TAFA1: variants seen among roughly 807,000 people sequenced by gnomAD.
TAFA1 encodes the protein chemokine-like protein TAFA-1.
A neutral mutation model predicts 18.5 loss-of-function variants in TAFA1; 4 were observed. The ratio of observed to expected loss-of-function variants is 0.22; its 90% CI spans 0.11 to 0.49. The LOEUF is 0.49. TAFA1 is among the 20% of genes least tolerant of loss of function. TAFA1 has a pLI of 0.98. For missense variants in TAFA1, 147 were observed against 169.0 expected (o/e 0.87, Z 0.72); for synonymous variants, 56 against 55.2 (o/e 1.01, Z -0.06).
At chr3:68,408,323 C>T (rs2070651103) in intron 2 of TAFA1, among the ~76,000 whole-genome samples, 1 of 152,128 alleles carries the variant, frequency 6.6e-6, no homozygotes, top group African/African-American at 2.4e-5. Context: ...CTTTTAATTG[C>T]TATTTCATTT....
At chr3:68,306,354 C>T (rs562675287) in intron 2 of TAFA1, among the ~76,000 whole-genome samples, 41 of 152,148 alleles carry the variant, frequency 2.7e-4, no homozygotes, top group South Asian at 4.2e-4. Context: ...TGGGTTTGAC[C>T]TTGCAAAAAT....
chr3:68,118,054 TTTCAGGATGA>T (rs945638330), intron 2 of TAFA1, among the ~76,000 whole-genome samples: 1 of 152,060 alleles, frequency 6.6e-6, no homozygotes, highest in African/African-American at 2.4e-5. Flanking sequence ...GGTGGGATGG[TTTCAGGATGA>T]TTCAAGCGCA....
At position 68,368,595 on chromosome 3, in the gene TAFA1, G is replaced by A. The variant is rs568003438; in HGVS notation, c.119-48685G>A. 1.1e-4 allele frequency among the ~76,000 whole-genome samples: 17 copies of A among 148,656 alleles called. No individual in the cohort carries two copies. The East Asian group carries it at 2.0e-3, about 17-fold the overall frequency. On this transcript the variant is annotated intron_variant, in intron 2 of 4. Coordinates refer to ENST00000478136, the MANE Select transcript of TAFA1 (RefSeq NM_213609.4). ...TCTTGAGATTTTTTTTTTTTTTACC[G>A]TTGTCTTTAATAGAAAAAGAAAACC... is the stretch of plus-strand genomic sequence containing the variant.
intron 3 of TAFA1, among the ~76,000 whole-genome samples, chr3:68,422,354 TTC>T (rs1329071909): frequency 2.0e-5 from 3 of 152,138 alleles, no homozygotes; most frequent in African/African-American, 7.2e-5. Flanking sequence ...AGGCATCAAC[TTC>T]TCTGCGTGAC....
At chr3:68,358,447 C>A (rs933896151) in intron 2 of TAFA1, among the ~76,000 whole-genome samples, 1 of 151,850 alleles carries the variant, frequency 6.6e-6, no homozygotes, top group Admixed American at 6.6e-5. Context: ...ATCTAACAGG[C>A]AGGGAAACTG....
intron 2 of TAFA1, among the ~76,000 whole-genome samples, chr3:68,390,418 G>C (rs1329736665): frequency 6.6e-6 from 1 of 152,236 alleles, no homozygotes; most frequent in Admixed American, 6.5e-5. Flanking sequence ...AGGGGCAGCT[G>C]TGGGGACAGC....
chr3:68,155,087 A>G (rs1486198199), intron 2 of TAFA1, among the ~76,000 whole-genome samples: 1 of 152,216 alleles, frequency 6.6e-6, no homozygotes, highest in Non-Finnish European at 1.5e-5. Flanking sequence ...CTATGAGTTA[A>G]GTAACATTTC....
At chr3:68,314,298 A>T (rs2068570997) in intron 2 of TAFA1, among the ~76,000 whole-genome samples, 1 of 152,204 alleles carries the variant, frequency 6.6e-6, no homozygotes, top group African/African-American at 2.4e-5. Flanking sequence ...TCCTGTCCAT[A>T]GAGTTAATTG....
intron 3 of TAFA1, among the ~76,000 whole-genome samples, chr3:68,446,391 G>A (rs527699058): frequency 9.2e-5 from 14 of 152,092 alleles, no homozygotes; most frequent in Non-Finnish European, 1.8e-4. Context: ...ATAAAGAATA[G>A]GGAGGTGAGT....
intron 3 of TAFA1, among the ~76,000 whole-genome samples, chr3:68,426,068 T>G (rs1448705206): frequency 6.6e-6 from 1 of 151,792 alleles, no homozygotes; most frequent in Non-Finnish European, 1.5e-5. Flanking sequence ...AAATTAATTT[T>G]GTAGAAAAAA....
At chr3:68,386,909 ACT>A (rs2070116941) in intron 2 of TAFA1, among the ~76,000 whole-genome samples, 1 of 151,866 alleles carries the variant, frequency 6.6e-6, no homozygotes, top group African/African-American at 2.4e-5. Context: ...AATTTGCAAG[ACT>A]CTTTAGTTTA....
chr3:68,424,808 A>T (rs2071021845), intron 3 of TAFA1, among the ~76,000 whole-genome samples: 3 of 152,032 alleles, frequency 2.0e-5, no homozygotes, highest in African/African-American at 7.2e-5. Flanking sequence ...TAGCTTATTA[A>T]ACTTGAACAC....
At chr3:68,506,474 C>CAT (rs1427600298) in intron 3 of TAFA1, among the ~76,000 whole-genome samples, 1 of 139,238 alleles carries the variant, frequency 7.2e-6, no homozygotes, top group Non-Finnish European at 1.6e-5. Flanking sequence ...CACACAGAGA[C>CAT]ACACACACAC....
chr3:68,348,570 G>A (rs1051533702), intron 2 of TAFA1, among the ~76,000 whole-genome samples: 1 of 152,146 alleles, frequency 6.6e-6, no homozygotes, highest in Non-Finnish European at 1.5e-5. Context: ...AGATGTTAGA[G>A]GAGGGAACAT....
intron 2 of TAFA1, among the ~76,000 whole-genome samples, chr3:68,273,737 T>C (rs1483208995): frequency 1.3e-5 from 2 of 152,054 alleles, no homozygotes; most frequent in Non-Finnish European, 2.9e-5. Context: ...AAATCCAGGG[T>C]AGAGACAACG....
chr3:68,303,898 T>C (rs139794790), intron 2 of TAFA1, among the ~76,000 whole-genome samples: 1 of 152,272 alleles, frequency 6.6e-6, no homozygotes, highest in East Asian at 1.9e-4. Flanking sequence ...AATAAAAGCT[T>C]TTTATTTACT....
chr3:68,229,375 TAAAACAGAAAAAATACCTGC>T (rs1266650124), intron 2 of TAFA1, among the ~76,000 whole-genome samples: 1 of 152,216 alleles, frequency 6.6e-6, no homozygotes, highest in Non-Finnish European at 1.5e-5. Context: ...TATCTTATTC[TAAAACAGAAAAAATACCTGC>T]TGCTTTACTG....
intron 3 of TAFA1, among the ~76,000 whole-genome samples, chr3:68,471,232 G>A (rs2071991229): frequency 6.6e-6 from 1 of 152,178 alleles, no homozygotes; most frequent in Non-Finnish European, 1.5e-5. Flanking sequence ...TTGCTGCAGG[G>A]GCAGGGCCCT....
chr3:68,417,459 C>G (rs1253625591), intron 3 of TAFA1, 39 bp downstream of exon 3: 1 of 1,596,398 alleles, frequency 6.3e-7, no homozygotes, highest in East Asian at 2.2e-5. Context: ...GCTCACATGG[C>G]ATTCACTATA....
Sources: gnomAD v4.1 joint callset for allele counts (sites outside exome capture counted in the v4.1 genomes callset) on GRCh38, gnomAD v4.1.1 for gene constraint, MANE v1.5 for transcripts, NCBI Gene and HGNC (gene_info 2026-07-23, HGNC 2026-07-21) for gene names.